Variants in SPRY3 observed in about 807,000 individuals in gnomAD.
SPRY3 encodes sprouty RTK signaling antagonist 3.
Under a neutral mutation model 20.2 loss-of-function variants are expected in SPRY3, and 15 were observed. The ratio of observed to expected loss-of-function variants is 0.74; its 90% CI spans 0.50 to 1.14. The LOEUF (loss-of-function observed/expected upper bound fraction) is 1.14. Among genes scored for constraint, SPRY3 ranks in the 50% most tolerant of loss-of-function variants. The pLI, the probability that SPRY3 is intolerant of heterozygous loss-of-function variation, is 0.00. For synonymous variants in SPRY3, 143 were observed against 136.5 expected (o/e 1.05, Z -0.33); for missense variants, 364 against 363.9 (o/e 1.00, Z 0.00).
chrX:155,626,533 T>C (rs1215735530), intron 1 of SPRY3, among the ~76,000 whole-genome samples: 2 of 111,451 alleles, frequency 1.8e-5, no homozygotes, highest in African/African-American at 6.5e-5. Flanking sequence ...TTTTGAAGCA[T>C]ACTAGTTTTT....
At chrX:155,717,754 G>A (rs1275744368) in intron 2 of SPRY3, among the ~76,000 whole-genome samples, 2 of 152,100 alleles carry the variant, frequency 1.3e-5, no homozygotes, top group Non-Finnish European at 2.9e-5. Context: ...TTTTATGGCT[G>A]CAGGGTATTC....
chrX:155,732,181 T>C (rs1164194747), intron 2 of SPRY3, among the ~76,000 whole-genome samples: 1 of 152,018 alleles, frequency 6.6e-6, no homozygotes, highest in Non-Finnish European at 1.5e-5. Context: ...GTTAGTTCTG[T>C]TTAGAAAAAA....
In SPRY3 at chrX:155,674,637, C is replaced by T. The variant is rs373285300; in HGVS notation, c.-282+17612C>T. Among the ~76,000 whole-genome samples the T allele has an allele frequency of 1.1e-3, 127 of 111,121 alleles. No homozygotes were observed. In the South Asian group the frequency reaches 0.044, roughly 39 times the overall value. ...CATATTATACTTTAATTAATGAGGA[C>T]TGAGATTTTACCAACTTTTTCAGTA... is the stretch of plus-strand genomic sequence containing the variant. On this transcript the variant is annotated intron_variant, in intron 2 of 3. Transcript: ENST00000675360.
At chrX:155,703,067 TA>T (rs2090923633) in intron 2 of SPRY3, among the ~76,000 whole-genome samples, 2 of 39,722 alleles carry the variant, frequency 5.0e-5, no homozygotes, top group Non-Finnish European at 4.5e-5. Flanking sequence ...GATATTGGTC[TA>T]AAATTCTCTT....
chrX:155,635,766 G>A (rs2067921395), intron 1 of SPRY3, among the ~76,000 whole-genome samples: 1 of 111,809 alleles, frequency 8.9e-6, no homozygotes. Flanking sequence ...CTGTCGGTGG[G>A]ACTGTAAACT....
chrX:155,771,561 T>C (rs1353333467), intron 3 of SPRY3, among the ~76,000 whole-genome samples: 4 of 152,182 alleles, frequency 2.6e-5, no homozygotes, highest in Admixed American at 2.0e-4. Context: ...CTCCACATAT[T>C]CTTTAGCCGA....
intron 2 of SPRY3, among the ~76,000 whole-genome samples, chrX:155,738,291 C>G (rs1339847418): frequency 6.6e-6 from 1 of 151,890 alleles, no homozygotes; most frequent in Non-Finnish European, 1.5e-5. Context: ...CAAGTCACAA[C>G]TGCAATAGAT....
intron 2 of SPRY3, among the ~76,000 whole-genome samples, chrX:155,716,067 C>T (rs2091020145): frequency 6.6e-6 from 1 of 152,108 alleles, no homozygotes; most frequent in African/African-American, 2.4e-5. Context: ...TGTGATGGTG[C>T]TTTTCTGTGT....
At chrX:155,616,660 T>C (rs2067854971) in intron 1 of SPRY3, among the ~76,000 whole-genome samples, 1 of 111,451 alleles carries the variant, frequency 9.0e-6, no homozygotes, top group Non-Finnish European at 1.9e-5. Context: ...TTTATGGTCC[T>C]ATCTCCATAA....
chrX:155,656,351 C>G (rs2067992228), intron 1 of SPRY3, among the ~76,000 whole-genome samples: 1 of 110,470 alleles, frequency 9.1e-6, no homozygotes, highest in South Asian at 3.8e-4. Context: ...GTAAGTTGAT[C>G]TTCAATCTCT....
intron 1 of SPRY3, among the ~76,000 whole-genome samples, chrX:155,624,333 C>G (rs2067880546): frequency 9.0e-6 from 1 of 111,671 alleles, no homozygotes; most frequent in Non-Finnish European, 1.9e-5. Context: ...AGCATATCTA[C>G]AAATCTTTTA....
intron 2 of SPRY3, among the ~76,000 whole-genome samples, chrX:155,705,682 C>G (rs767744666): frequency 1.6e-4 from 24 of 151,304 alleles, no homozygotes; most frequent in African/African-American, 5.1e-4. Flanking sequence ...ACATATAATG[C>G]AAACACTAGC....
chrX:155,621,384 G>C (rs1235585873), intron 1 of SPRY3, among the ~76,000 whole-genome samples: 3 of 110,948 alleles, frequency 2.7e-5, no homozygotes, highest in Non-Finnish European at 5.7e-5. Flanking sequence ...ATTTTTTCCA[G>C]TCTTACTGTT....
downstream of SPRY3, chrX:155,778,457 G>A (rs939953581): frequency 1.2e-5 from 2 of 167,024 alleles, no homozygotes; most frequent in East Asian, 1.9e-4. Context: ...TATTAAGGGA[G>A]TATTTTCACT....
intron 2 of SPRY3, among the ~76,000 whole-genome samples, chrX:155,714,080 G>C (rs1286999805): frequency 6.6e-6 from 1 of 152,012 alleles, no homozygotes; most frequent in African/African-American, 2.4e-5. Context: ...AAATTTATCT[G>C]ATAGAATTCT....
At chrX:155,768,638 G>A (rs2091362403) in intron 3 of SPRY3, among the ~76,000 whole-genome samples, 1 of 152,096 alleles carries the variant, frequency 6.6e-6, no homozygotes, top group Non-Finnish European at 1.5e-5. Context: ...CATGGCGCAA[G>A]CTGACACGGC....
At position 155,773,752 on chromosome X, in the gene SPRY3, G is replaced by A. The variant is rs1382449298; in HGVS notation, c.-106-14G>A. 114 of 1,194,454 alleles carry A rather than the reference G, an allele frequency of 9.5e-5. No individual in the cohort carries two copies. Among genetic ancestry groups the A allele is most frequent in the Non-Finnish European group, 1.3e-4 (113 of 840,498 alleles). The allele number at this position is 1,194,454 out of a possible 1,614,324, so 74.0% of individuals were successfully genotyped here. A position where few individuals can be genotyped will look rare whatever the true frequency, so the allele number is the denominator to read the frequency against. On this transcript the variant is annotated splice_polypyrimidine_tract_variant and intron_variant, in intron 3 of 3. Coordinates refer to ENST00000675360, the Ensembl canonical transcript of SPRY3. ...GTGTGTTCTCATTTACTGTTTTTAT[G>A]CCTTCTCTCCTAGGATTTTCTCATG...
intron 2 of SPRY3, among the ~76,000 whole-genome samples, chrX:155,705,564 T>G (rs140752419): frequency 6.6e-6 from 1 of 151,336 alleles, no homozygotes; most frequent in Non-Finnish European, 1.5e-5. Flanking sequence ...TTAAAGGCAG[T>G]ATCAGATTGG....
At chrX:155,739,294 G>A (rs373569340) in intron 2 of SPRY3, among the ~76,000 whole-genome samples, 1 of 152,304 alleles carries the variant, frequency 6.6e-6, no homozygotes, top group African/African-American at 2.4e-5. Context: ...GGGTTATATG[G>A]ACATAACTCT....
Sources: allele counts gnomAD v4.1 joint callset (sites outside exome capture counted in the v4.1 genomes callset), GRCh38; gene constraint gnomAD v4.1.1; transcripts MANE v1.5; gene names NCBI Gene and HGNC (gene_info 2026-07-23, HGNC 2026-07-21).